Variants in ZNF675 observed in about 807,000 individuals in gnomAD.
ZNF675 encodes TRAF6 inhibitory zinc finger.
In ZNF675, 36 loss-of-function variants were observed where a neutral mutation model predicts 56.1. The ratio of observed to expected loss-of-function variants is 0.64; its 90% CI spans 0.49 to 0.85. ZNF675 has a LOEUF of 0.85. Ranked by LOEUF, ZNF675 falls within the 40% of genes least tolerant of loss-of-function variation. The pLI is 0.00. For missense variants in ZNF675, 663 were observed against 654.2 expected, an observed-to-expected ratio of 1.01 and a Z score of -0.15; for synonymous variants, 200 against 218.9, an observed-to-expected ratio of 0.91 and a Z score of 0.76.
chr19:23,658,808 G>GATCTAGATCTATATCTCTAT (rs1568289010), intron 3 of ZNF675: 2 of 3,914 alleles, frequency 5.1e-4, no homozygotes, highest in Non-Finnish European at 1.4e-3. Context: ...GATATCTATA[G>GATCTAGATCTATATCTCTAT]AGATATAGAT....
intron 1 of ZNF675, among the ~76,000 whole-genome samples, chr19:23,671,207 C>G (rs1032639727): frequency 6.6e-6 from 1 of 152,168 alleles, no homozygotes; most frequent in African/African-American, 2.4e-5. Context: ...ATTAGCCAAT[C>G]TGCCCCTGAC....
At chr19:23,677,271 TC>T (rs1489877029) in intron 1 of ZNF675, among the ~76,000 whole-genome samples, 1 of 8,080 alleles carries the variant, frequency 1.2e-4, no homozygotes, top group Non-Finnish European at 5.1e-3. Flanking sequence ...TGACTCTACA[TC>T]TAAAAAAAAC....
chr19:23,674,285 A>G (rs1009564378), intron 1 of ZNF675, among the ~76,000 whole-genome samples: 1 of 152,072 alleles, frequency 6.6e-6, no homozygotes, highest in Admixed American at 6.5e-5. Flanking sequence ...ACCTGTTAAT[A>G]TGATACACAT....
intron 3 of ZNF675, chr19:23,656,670 TTAAA>T (rs951121988): frequency 6.6e-6 from 1 of 151,282 alleles, no homozygotes; most frequent in African/African-American, 2.4e-5. Context: ...TTATTCAGCC[TTAAA>T]TAAATCTAGT....
Position 23,653,789 on chromosome 19 carries a change from T to A in ZNF675, c.1144A>T (p.Asn382Tyr). The A allele has an allele frequency of 6.2e-7, 1 of 1,613,912 alleles. No homozygotes were observed. The highest frequency in any genetic ancestry group is 8.5e-7 in the Non-Finnish European group (1 of 1,179,928). Residue 382 changes from asparagine to tyrosine, a missense_variant, in exon 4 of 4, where the codon AAT (asparagine) becomes TAT (tyrosine). Asn to Tyr is a moderately radical substitution (Grantham distance 143). Coordinates refer to ENST00000359788, the MANE Select transcript of ZNF675 (RefSeq NM_138330.3). ...TGAATTTTCCTATGTTCCGTAAGAT[T>A]TGAGGATCGGTTAAAAGCTTTGCCG... ...ECGKAFNRSS[N>Y]LTEHRKIHTE...
chr19:23,674,503 C>T (rs1307194017), intron 1 of ZNF675, among the ~76,000 whole-genome samples: 2 of 149,934 alleles, frequency 1.3e-5, no homozygotes, highest in African/African-American at 5.0e-5. Context: ...ATTAGCCGGG[C>T]ATGGTGGCGG....
rs113404834 is a variant in ZNF675, at chr19:23,682,911, G to A, written c.3+4120C>T. Among the ~76,000 whole-genome samples, 101 of 151,780 alleles carry A rather than the reference G, an allele frequency of 6.7e-4. 3 individuals are homozygous for A. Among genetic ancestry groups the A allele is most frequent in the African/African-American group, 2.2e-3 (89 of 41,136 alleles). On this transcript the variant is annotated intron_variant, in intron 1 of 3. Coordinates refer to ENST00000359788, the MANE Select transcript of ZNF675 (RefSeq NM_138330.3). ...TATTTTAAAAGTTATGTAGTAGGCCGGGCACGGTGGCTCACACCTGTAATC... is the reference window on the plus strand; with the variant it reads ...TATTTTAAAAGTTATGTAGTAGGCCAGGCACGGTGGCTCACACCTGTAATC...
chr19:23,664,650 C>A (rs890098984), intron 1 of ZNF675, among the ~76,000 whole-genome samples: 1 of 152,118 alleles, frequency 6.6e-6, no homozygotes, highest in African/African-American at 2.4e-5. Context: ...TCACAAGAGG[C>A]ACTTAATTAA....
intron 1 of ZNF675, among the ~76,000 whole-genome samples, chr19:23,668,426 T>G (rs1968183533): frequency 6.6e-6 from 1 of 152,200 alleles, no homozygotes; most frequent in South Asian, 2.1e-4. Context: ...AGACATACTC[T>G]CCACGTACCC....
At chr19:23,662,090 G>A in intron 3 of ZNF675, 24 bp downstream of exon 3, 1 of 1,541,710 alleles carries the variant, frequency 6.5e-7, no homozygotes, top group Non-Finnish European at 9.0e-7. Context: ...GTCACCTGTT[G>A]TATTCACTTT....
intron 1 of ZNF675, among the ~76,000 whole-genome samples, chr19:23,668,456 C>A (rs1416465747): frequency 6.6e-6 from 1 of 150,730 alleles, no homozygotes; most frequent in African/African-American, 2.4e-5. Context: ...AGGAGCCCAG[C>A]TGGCTTCACC....
At chr19:23,655,717 T>G (rs1190872413) in intron 3 of ZNF675, 1 of 152,164 alleles carries the variant, frequency 6.6e-6, no homozygotes, top group Admixed American at 6.5e-5. Context: ...CCAAATAGGC[T>G]TAACAGACCT....
chr19:23,682,369 A>G (rs1369046900), intron 1 of ZNF675, among the ~76,000 whole-genome samples: 1 of 151,854 alleles, frequency 6.6e-6, no homozygotes, highest in Non-Finnish European at 1.5e-5. Context: ...AATAGTTGGT[A>G]CTTCCTCCTG....
chr19:23,669,513 A>G (rs1240960258), intron 1 of ZNF675, among the ~76,000 whole-genome samples: 1 of 152,040 alleles, frequency 6.6e-6, no homozygotes, highest in East Asian at 1.9e-4. Flanking sequence ...TATGAAAGGA[A>G]ATGTATTATT....
At chr19:23,678,837 T>A (rs982992174) in intron 1 of ZNF675, among the ~76,000 whole-genome samples, 2 of 151,674 alleles carry the variant, frequency 1.3e-5, no homozygotes, top group African/African-American at 4.9e-5. Context: ...AATTTCCTAT[T>A]TAATTTTAAA....
At position 23,687,051 on chromosome 19, in the gene ZNF675, G is replaced by T. The variant is rs370316724; in HGVS notation, c.-18C>A. ...CTCACCATTTCTAGGCTTCCAGGGG[G>T]TCCTGGAGTCTTAGCTGTGGATCTC... On this transcript the variant is annotated 5_prime_UTR_variant, in exon 1 of 4. Transcript: ENST00000359788. The T allele has an allele frequency of 1.2e-6, 2 of 1,613,492 alleles. No individual in the cohort carries two copies. Among genetic ancestry groups the T allele is most frequent in the Non-Finnish European group, 1.7e-6 (2 of 1,179,626 alleles).
intron 1 of ZNF675, among the ~76,000 whole-genome samples, chr19:23,677,843 G>A (rs1376592593): frequency 1.3e-5 from 2 of 151,540 alleles, no homozygotes; most frequent in African/African-American, 4.9e-5. Flanking sequence ...GAGATGGCCG[G>A]CTACAGTGGC....
chr19:23,668,102 TAC>T (rs1968178268), intron 1 of ZNF675, among the ~76,000 whole-genome samples: 1 of 145,866 alleles, frequency 6.9e-6, no homozygotes, highest in Non-Finnish European at 1.5e-5. Context: ...AGCAGCTAGA[TAC>T]AGTGTCAACT....
chr19:23,653,735 C>A lies in ZNF675; in HGVS notation c.1198G>T (p.Glu400Ter). The A allele has an allele frequency of 6.2e-7, 1 of 1,613,774 alleles. No homozygotes were observed. The highest frequency in any genetic ancestry group is 8.5e-7 in the Non-Finnish European group (1 of 1,179,974). The part of the protein sequence containing the change: ...HTEEKPYKCK[E>*]CGKAFKHSSA... ...GAGTGTTTAAAAGCTTTGCCACATT[C>A]TTTACATTTGTAGGGTTTCTCTTCG... Residue 400 changes from glutamate to a stop codon, truncating the protein, a stop_gained, in exon 4 of 4, where the codon GAA (glutamate) becomes TAA (stop). Coordinates refer to ENST00000359788, the MANE Select transcript of ZNF675 (RefSeq NM_138330.3). LOFTEE classifies it high-confidence loss of function.
Sources: gnomAD v4.1 joint callset for allele counts (sites outside exome capture counted in the v4.1 genomes callset) on GRCh38, gnomAD v4.1.1 for gene constraint, MANE v1.5 for transcripts, NCBI Gene and HGNC (gene_info 2026-07-23, HGNC 2026-07-21) for gene names.